Variants in HUWE1 observed in about 807,000 individuals in gnomAD.
HUWE1 encodes HECT, UBA and WWE domain containing E3 ubiquitin protein ligase 1.
HUWE1 carries 18 observed loss-of-function variants against 299.4 expected under a neutral mutation model. The ratio of observed to expected loss-of-function variants is 0.06; its 90% CI spans 0.04 to 0.09. The LOEUF is 0.09. Among genes scored for constraint, HUWE1 ranks in the 10% least tolerant of loss-of-function variants. HUWE1 has a pLI of 1.00. For missense variants in HUWE1, 1,832 were observed against 3,462.3 expected, an observed-to-expected ratio of 0.53 and a Z score of 11.82; for synonymous variants, 1,317 against 1,286.1, an observed-to-expected ratio of 1.02 and a Z score of -0.51.
chrX:53,571,740 A>G (rs1443552108), intron 47 of HUWE1, among the ~76,000 whole-genome samples: 3 of 112,411 alleles, frequency 2.7e-5, no homozygotes, highest in Non-Finnish European at 5.6e-5. Context: ...CATGAAAAAA[A>G]TGGTCAACAG....
intron 4 of HUWE1, among the ~76,000 whole-genome samples, 170 bp downstream of exon 4, chrX:53,653,893 G>C (rs2068622035): frequency 8.9e-6 from 1 of 111,878 alleles, no homozygotes; most frequent in African/African-American, 3.2e-5. Context: ...CCATTTTTTT[G>C]ATCCAGGGAA....
At position 53,656,220 on chromosome X, in the gene HUWE1, A is replaced by G. The variant is rs141163056; in HGVS notation, c.-24-2089T>C. ...AAAACCCCGTCTCTACTAAAAATAC[A>G]AAAAAAGTAGCCGGGCGTGGAAGGA... On this transcript the variant is annotated intron_variant, in intron 3 of 83. Coordinates refer to ENST00000262854, the MANE Select transcript of HUWE1 (RefSeq NM_031407.7). 1.7e-4 allele frequency among the ~76,000 whole-genome samples: 19 copies of G among 110,264 alleles called. No homozygotes were observed. In the East Asian group the frequency reaches 5.1e-3, roughly 30 times the overall value.
At position 53,636,195 on chromosome X, in the gene HUWE1, C is replaced by T. The variant is rs1557026307; in HGVS notation, c.505-1897G>A. On this transcript the variant is annotated intron_variant, in intron 7 of 83. Transcript: ENST00000262854. ...CCTGGACACAGATATGTATATCCCC[C>T]ACTCCCAGCTGGTTAAAAACAGACT... Among the ~76,000 whole-genome samples the T allele has an allele frequency of 7.1e-5, 8 of 112,385 alleles. 1 individual carries two copies. The South Asian group carries it at 2.9e-3, about 41-fold the overall frequency.
intron 74 of HUWE1, among the ~76,000 whole-genome samples, chrX:53,540,451 C>A (rs1569409837): frequency 9.0e-6 from 1 of 111,133 alleles, no homozygotes; most frequent in African/African-American, 3.3e-5. Context: ...GCCTCAGCCT[C>A]CTGAGTAGCT....
rs1321984696 is a variant in HUWE1 at position 53,650,782 on chromosome X, A to G, written c.46-2472T>C. Among the ~76,000 whole-genome samples, 6 of 111,453 alleles carry G rather than the reference A, an allele frequency of 5.4e-5. No homozygotes were observed. In the South Asian group the frequency reaches 2.3e-3, roughly 42 times the overall value. ...ATGGGGGCAATCATGTATGCTGCTC[A>G]AGGAAAATAGACAACTCAAGTCTTA... On this transcript the variant is annotated intron_variant, in intron 4 of 83. Transcript: ENST00000262854.
At chrX:53,664,548 G>GT (rs782483656) in intron 3 of HUWE1, among the ~76,000 whole-genome samples, 1 of 112,048 alleles carries the variant, frequency 8.9e-6, no homozygotes, top group Non-Finnish European at 1.9e-5. Flanking sequence ...GATGTTGCAC[G>GT]TAAGTACGGG....
At chrX:53,572,207 T>A (rs1409005906) in intron 47 of HUWE1, among the ~76,000 whole-genome samples, 2 of 111,714 alleles carry the variant, frequency 1.8e-5, no homozygotes, top group Non-Finnish European at 3.8e-5. Context: ...GTACATTCTA[T>A]GAGATTCCAT....
Position 53,633,590 on chromosome X carries a change from C to A in HUWE1, c.567+646G>T, listed in dbSNP as rs781893487. On this transcript the variant is annotated intron_variant, in intron 8 of 83. Coordinates refer to ENST00000262854, the MANE Select transcript of HUWE1 (RefSeq NM_031407.7). ...AAAAAGGCTTGCTAAGATAAATACACTAAATTTCACTGCAGCCATTTGTGC... is the reference window on the plus strand; with the variant it reads ...AAAAAGGCTTGCTAAGATAAATACAATAAATTTCACTGCAGCCATTTGTGC... Among the ~76,000 whole-genome samples, 6 of 112,566 alleles carry A rather than the reference C, an allele frequency of 5.3e-5. No individual in the cohort carries two copies. In the South Asian group the frequency reaches 2.2e-3, roughly 41 times the overall value.
intron 28 of HUWE1, among the ~76,000 whole-genome samples, chrX:53,602,063 T>A (rs782338027): frequency 2.3e-4 from 26 of 112,273 alleles, no homozygotes; most frequent in African/African-American, 8.1e-4. Context: ...ACATATATAA[T>A]TTAAATTTTC....
intron 63 of HUWE1, among the ~76,000 whole-genome samples, 182 bp from the exon 64 acceptor site, chrX:53,551,662 A>T (rs189071121): frequency 6.3e-4 from 70 of 111,413 alleles, no homozygotes; most frequent in Non-Finnish European, 9.2e-4. Context: ...GGCATGCACC[A>T]AAATGCCTGG....
Position 53,550,994 on chromosome X carries a change from G to A in HUWE1, c.9292C>T (p.Arg3098Ter). The change falls in exon 65 of 84, where the codon CGA becomes TGA. Residue 3098 changes from arginine (R) to a stop codon, truncating the protein, a stop_gained. Transcript: ENST00000262854. LOFTEE classifies it high-confidence loss of function. ...TGTCGCTGCCGGGCTTCTTGCTCTC[G>A]TCTCAGGGCTTGAGCCTCAGCTGCA... ...DIAAEAQALRREQEARQRQLM... is the reference protein window; with the variant it reads ...DIAAEAQALR 1 of 1,211,420 alleles carries A rather than the reference G, an allele frequency of 8.3e-7. No individual in the cohort carries two copies. Among genetic ancestry groups the A allele is most frequent in the Non-Finnish European group, 1.1e-6 (1 of 895,369 alleles).
chrX:53,573,097 G>A (rs782415802), intron 47 of HUWE1, among the ~76,000 whole-genome samples: 4 of 111,181 alleles, frequency 3.6e-5, no homozygotes, highest in African/African-American at 6.6e-5. Flanking sequence ...TACGTTACTA[G>A]ATTACTCTAT....
At position 53,607,560 on chromosome X, in the gene HUWE1, G is replaced by T; in HGVS notation, c.2459C>A (p.Ala820Asp). ...NLPIDFPTSAACQAVAGVCKS... is the reference protein window; with the variant it reads ...NLPIDFPTSADCQAVAGVCKS... ...GCAGACACCTGCAACAGCCTGACAGGCAGCAGATGTGGGAAAGTCAATGGG... is the reference window on the plus strand; with the variant it reads ...GCAGACACCTGCAACAGCCTGACAGTCAGCAGATGTGGGAAAGTCAATGGG... The change falls in exon 25 of 84, where the codon GCC (alanine) becomes GAC (aspartate). Residue 820 changes from alanine to aspartate, a missense_variant. Physicochemically the swap from Ala to Asp is moderately radical, Grantham distance 126 (BLOSUM62 -2). Coordinates refer to ENST00000262854, the MANE Select transcript of HUWE1 (RefSeq NM_031407.7). The T allele has an allele frequency of 2.5e-6, 3 of 1,211,239 alleles. No individual in the cohort carries two copies. Among genetic ancestry groups the T allele is most frequent in the Non-Finnish European group, 3.4e-6 (3 of 894,798 alleles).
intron 3 of HUWE1, among the ~76,000 whole-genome samples, chrX:53,658,718 G>A: frequency 8.9e-6 from 1 of 112,106 alleles, no homozygotes; most frequent in East Asian, 2.8e-4. Context: ...AGTCAAAATG[G>A]ATCACAGACC....
intron 19 of HUWE1, among the ~76,000 whole-genome samples, chrX:53,621,346 A>G (rs1196387661): frequency 9.1e-6 from 1 of 110,496 alleles, no homozygotes. Context: ...CTTTTTGCCC[A>G]TGCTGTGATC....
chrX:53,575,230 G>A lies in HUWE1; in HGVS notation c.6031-9C>T. ...GCAGCAAAGACCTGACTCTGAAGAA[G>A]AAGAAAACTCCTGAGCTATTATGAA... is the stretch of plus-strand genomic sequence containing the variant. On this transcript the variant is annotated splice_polypyrimidine_tract_variant and intron_variant, in intron 45 of 83. Transcript: ENST00000262854. 2 of 1,180,432 alleles carry A rather than the reference G, an allele frequency of 1.7e-6. No individual in the cohort carries two copies. The highest frequency in any genetic ancestry group is 3.0e-5 in the East Asian group (1 of 33,716).
At chrX:53,639,664 A>G (rs1178256871) in intron 7 of HUWE1, among the ~76,000 whole-genome samples, 1 of 112,279 alleles carries the variant, frequency 8.9e-6, no homozygotes, top group African/African-American at 3.2e-5. Context: ...CCAAGAGGGA[A>G]AAGGCTGTAC....
chrX:53,605,908 T>C (rs954190406), intron 25 of HUWE1, among the ~76,000 whole-genome samples: 25 of 111,596 alleles, frequency 2.2e-4, no homozygotes, highest in Admixed American at 2.2e-3. Flanking sequence ...ACCAAGACCA[T>C]GCAATAGGAA....
intron 7 of HUWE1, among the ~76,000 whole-genome samples, chrX:53,640,407 GT>G (rs1190523150): frequency 9.0e-6 from 1 of 111,679 alleles, no homozygotes; most frequent in Non-Finnish European, 1.9e-5. Flanking sequence ...AACAAGTCAA[GT>G]TTTTAGAGAA....
Sources: gnomAD v4.1 joint callset for allele counts (sites outside exome capture counted in the v4.1 genomes callset) on GRCh38, gnomAD v4.1.1 for gene constraint, MANE v1.5 for transcripts, NCBI Gene and HGNC (gene_info 2026-07-23, HGNC 2026-07-21) for gene names.